The following HSPA12B variants were observed in gnomAD, a reference collection of about 807,000 sequenced individuals.
HSPA12B encodes heat shock 70 kDa protein 12B.
HSPA12B carries 54 observed loss-of-function variants against 69.3 expected under a neutral mutation model. The ratio of observed to expected loss-of-function variants is 0.78; its 90% CI spans 0.63 to 0.98. HSPA12B has a LOEUF of 0.98. Among genes scored for constraint, HSPA12B ranks in the 50% least tolerant of loss-of-function variants. The pLI, the probability that HSPA12B is intolerant of heterozygous loss-of-function variation, is 0.00. For missense variants in HSPA12B, 929 were observed against 999.8 expected (o/e 0.93, Z 0.96); for synonymous variants, 441 against 436.5 (o/e 1.01, Z -0.13).
At position 3,749,214 on chromosome 20, in the gene HSPA12B, C is replaced by T. The variant is rs1388410783; in HGVS notation, c.851-18C>T. 27 of 1,607,802 alleles carry T rather than the reference C, an allele frequency of 1.7e-5. No individual in the cohort carries two copies. Among genetic ancestry groups the T allele is most frequent in the Non-Finnish European group, 2.0e-5 (23 of 1,176,562 alleles). On this transcript the variant is annotated intron_variant, in intron 8 of 12. Coordinates refer to ENST00000254963, the MANE Select transcript of HSPA12B (RefSeq NM_052970.5). The surrounding 1 kb of genome is among the most constrained non-coding windows in gnomAD (Gnocchi z 5.5). ...CACCTCCTTCTAATCTCACTCCCTG[C>T]TGTCTCCTGACCCCCAGCTCGGGAG...
At position 3,752,422 on chromosome 20, in the gene HSPA12B, G is replaced by C. The variant is rs2088445223; in HGVS notation, c.*256G>C. The C allele has an allele frequency of 5.3e-6, 2 of 375,806 alleles. No individual in the cohort carries two copies. Among genetic ancestry groups the C allele is most frequent in the Non-Finnish European group, 9.5e-6 (2 of 211,358 alleles). 23.3% of individuals were successfully genotyped at this position (375,806 alleles called of 1,614,324 possible). ...AAGGACTGAACGGGTAAGAGAAGAG[G>C]TTTGCAAGACAGAGCGCGCAGCCCG... On this transcript the variant is annotated 3_prime_UTR_variant, in exon 13 of 13. Coordinates refer to ENST00000254963, the MANE Select transcript of HSPA12B (RefSeq NM_052970.5).
intron 11 of HSPA12B, 132 bp downstream of exon 11, chr20:3,750,359 C>A: frequency 1.9e-6 from 2 of 1,037,854 alleles, no homozygotes; most frequent in Non-Finnish European, 2.7e-6. Flanking sequence ...GCCAGCAGGG[C>A]GTCGGGGTGG....
intron 1 of HSPA12B, among the ~76,000 whole-genome samples, chr20:3,733,586 A>C (rs1470152087): frequency 6.6e-6 from 1 of 151,824 alleles, no homozygotes; most frequent in Non-Finnish European, 1.5e-5. Flanking sequence ...CATTTCTGTC[A>C]CTCCCTGCCC....
chr20:3,741,721 G>A (rs1043077036), intron 3 of HSPA12B, among the ~76,000 whole-genome samples: 3 of 152,170 alleles, frequency 2.0e-5, no homozygotes, highest in Non-Finnish European at 2.9e-5. Flanking sequence ...GGATGACCTT[G>A]CCCTGGTGAT....
chr20:3,742,790 C>T (rs1716124059), intron 4 of HSPA12B, among the ~76,000 whole-genome samples: 4 of 151,260 alleles, frequency 2.6e-5, no homozygotes, highest in South Asian at 4.2e-4. Context: ...CTCCACCTCT[C>T]GGGTTCAAGC....
rs377028377 is a variant in HSPA12B at position 3,749,388 on chromosome 20, G to A, written c.937+70G>A. 8.3e-5 allele frequency: 114 copies of A among 1,376,624 alleles called. No individual in the cohort carries two copies. The African/African-American group carries it at 1.3e-3, about 16-fold the overall frequency. The allele number at this position is 1,376,624 out of a possible 1,614,324, so 85.3% of individuals were successfully genotyped here. ...GCACCATATACTGATGGGGGGAAGG[G>A]CATGTTTGCAAAGCCCGTCTCTTCC... On this transcript the variant is annotated intron_variant, in intron 9 of 12. Transcript: ENST00000254963. The surrounding 1 kb of genome is among the most constrained non-coding windows in gnomAD (Gnocchi z 5.5).
chr20:3,746,545 G>A (rs181808956), intron 7 of HSPA12B, among the ~76,000 whole-genome samples: 2,310 of 151,926 alleles, frequency 0.015, 26 homozygotes, highest in Middle Eastern at 0.044. Context: ...CTTGTGATCC[G>A]CCCGCCTCGG....
In HSPA12B at chr20:3,751,654, G is replaced by T. The variant is rs1246624961; in HGVS notation, c.1549G>T (p.Gly517Cys). 6.6e-7 allele frequency: 1 copy of T among 1,522,410 alleles called. No individual in the cohort carries two copies. The highest frequency in any genetic ancestry group is 2.5e-5 in the East Asian group (1 of 39,684). The allele number at this position is 1,522,410 out of a possible 1,614,324, so 94.3% of individuals were successfully genotyped here. A position where few individuals can be genotyped will look rare whatever the true frequency, so the allele number is the denominator to read the frequency against. Reference sequence around the variant, plus strand: ...GCGTGTCGTGGTCCCGCACGACGTGGGCCTCACCATCCTCAAAGGCGCGGT... The same window carrying T: ...GCGTGTCGTGGTCCCGCACGACGTGTGCCTCACCATCCTCAAAGGCGCGGT... Reference protein sequence around the residue: ...GLRVVVPHDVGLTILKGAVLF... With the variant: ...GLRVVVPHDVCLTILKGAVLF... Residue 517 changes from glycine to cysteine, a missense_variant, in exon 13 of 13, where the codon GGC becomes TGC. Physicochemically the swap from Gly to Cys is radical, Grantham distance 159. This residue lies in a region of HSPA12B where 448 missense variants were observed against 448.1 expected (regional missense o/e 1.00). Transcript: ENST00000254963.
intron 4 of HSPA12B, 105 bp downstream of exon 4, chr20:3,742,513 C>CCA: frequency 6.7e-6 from 6 of 891,848 alleles, no homozygotes; most frequent in Non-Finnish European, 8.5e-6. Context: ...CTTGGAGGCC[C>CCA]TGCCACCCCC....
intron 1 of HSPA12B, among the ~76,000 whole-genome samples, chr20:3,734,163 G>A (rs543431525): frequency 1.3e-5 from 2 of 152,282 alleles, no homozygotes; most frequent in Admixed American, 6.5e-5. Flanking sequence ...GCAAGACCCT[G>A]TCTCAAAAAA....
At chr20:3,746,486 T>C (rs898820125) in intron 7 of HSPA12B, among the ~76,000 whole-genome samples, 1 of 151,866 alleles carries the variant, frequency 6.6e-6, no homozygotes, top group African/African-American at 2.4e-5. Flanking sequence ...GTATTTTTAG[T>C]AGAGACGGGG....
At chr20:3,751,340 C>T (rs1357715964) in intron 12 of HSPA12B, 171 bp from the exon 13 acceptor site, 7 of 985,358 alleles carry the variant, frequency 7.1e-6, no homozygotes, top group Non-Finnish European at 8.4e-6. Context: ...CTCGAGGACT[C>T]CCGTGAGCTC....
At position 3,752,993 on chromosome 20, in the gene HSPA12B, T is replaced by C. The variant is rs2088455265; in HGVS notation, c.*827T>C. On this transcript the variant is annotated 3_prime_UTR_variant, in exon 13 of 13. Coordinates refer to ENST00000254963, the MANE Select transcript of HSPA12B (RefSeq NM_052970.5). ...TGCCTTTAGGACATTCTCTTACCGC[T>C]CATGGGCCTCAGTTTCCTAAAGTGT... 1 of 153,384 alleles carries C rather than the reference T, an allele frequency of 6.5e-6. No individual in the cohort carries two copies. The highest frequency in any genetic ancestry group is 2.4e-5 in the African/African-American group (1 of 41,412). The allele number at this position is 153,384 out of a possible 1,614,324, so 9.5% of individuals were successfully genotyped here.
In HSPA12B at chr20:3,744,941, G is replaced by A. The variant is rs2088268591; in HGVS notation, c.306G>A (p.Lys102=). The change falls in exon 5 of 13, where the codon AAG becomes AAA. Residue 102 remains lysine, a synonymous_variant. Coordinates refer to ENST00000254963, the MANE Select transcript of HSPA12B (RefSeq NM_052970.5). The surrounding 1 kb of genome is among the most constrained non-coding windows in gnomAD (Gnocchi z 4.9). ...GAGACCCGGGCGTGGCCCACCAGAAGACCCCGACCTGCCTGCTGCTGACTC... is the reference window on the plus strand; with the variant it reads ...GAGACCCGGGCGTGGCCCACCAGAAAACCCCGACCTGCCTGCTGCTGACTC... The part of the protein sequence containing the change: ...EGGDPGVAHQ[K]TPTCLLLTPE... 1 of 1,613,540 alleles carries A rather than the reference G, an allele frequency of 6.2e-7. No individual in the cohort carries two copies. The highest frequency in any genetic ancestry group is 8.5e-7 in the Non-Finnish European group (1 of 1,180,040).
Position 3,751,941 on chromosome 20 carries a change from G to A in HSPA12B, c.1836G>A (p.Ala612=), listed in dbSNP as rs768329826. The A allele has an allele frequency of 2.5e-5, 40 of 1,586,788 alleles. 3 individuals are homozygous for A. In the South Asian group the frequency reaches 4.4e-4, roughly 17 times the overall value. The change falls in exon 13 of 13, where the codon GCG becomes GCA. Residue 612 remains alanine (A), a synonymous_variant. Coordinates refer to ENST00000254963, the MANE Select transcript of HSPA12B (RefSeq NM_052970.5). Reference sequence around the variant, plus strand: ...TACTCATCAACCTGTACTGCTGCGCGGCAGAGGATGCGCGCTTCATCACCG... The same window carrying A: ...TACTCATCAACCTGTACTGCTGCGCAGCAGAGGATGCGCGCTTCATCACCG... ...RRVLINLYCC[A]AEDARFITDP...
chr20:3,734,232 GGGAT>G, intron 1 of HSPA12B, among the ~76,000 whole-genome samples: 1 of 152,320 alleles, frequency 6.6e-6, no homozygotes, highest in East Asian at 1.9e-4. Flanking sequence ...GGGATACTCT[GGGAT>G]GGGAGTCTCT....
intron 7 of HSPA12B, among the ~76,000 whole-genome samples, chr20:3,746,505 T>C (rs2088308645): frequency 6.6e-6 from 1 of 151,782 alleles, no homozygotes; most frequent in Non-Finnish European, 1.5e-5. Context: ...GGTTTCATCG[T>C]GTTAGCCAGG....
Position 3,749,273 on chromosome 20 carries a change from C to CT in HSPA12B, c.893dup (p.Val299GlyfsTer118), listed in dbSNP as rs750362829. Reference sequence around the variant, plus strand: ...AAGGTCCCGCCACAGCCGCACGTTCCTGGTGGAGTCAGGCGTAGGAGAGCT... The same window carrying CT: ...AAGGTCCCGCCACAGCCGCACGTTCCTTGGTGGAGTCAGGCGTAGGAGAGCT... On this transcript the variant is annotated frameshift_variant, in exon 9 of 13. Transcript: ENST00000254963. LOFTEE classifies it high-confidence loss of function. The surrounding 1 kb of genome is among the most constrained non-coding windows in gnomAD (Gnocchi z 5.5). 1 of 1,613,788 alleles carries CT rather than the reference C, an allele frequency of 6.2e-7. No individual in the cohort carries two copies. Among genetic ancestry groups the CT allele is most frequent in the East Asian group, 2.2e-5 (1 of 44,854 alleles).
chr20:3,747,425 C>T (rs186298307), intron 7 of HSPA12B, among the ~76,000 whole-genome samples: 30 of 152,320 alleles, frequency 2.0e-4, no homozygotes, highest in Non-Finnish European at 3.2e-4. Flanking sequence ...GCTCCCCCAG[C>T]GTCCCCTTGC....
Sources: gnomAD v4.1 joint callset for allele counts (sites outside exome capture counted in the v4.1 genomes callset) on GRCh38, gnomAD v4.1.1 for gene constraint, gnomAD v4.1.1 regional missense constraint, Gnocchi (gnomAD v3.1) non-coding constraint, MANE v1.5 for transcripts, NCBI Gene and HGNC (gene_info 2026-07-23, HGNC 2026-07-21) for gene names.